The following POLR3H variants were observed in gnomAD, a reference collection of about 807,000 sequenced individuals.
POLR3H encodes the protein DNA-directed RNA polymerase III subunit RPC8.
Under a neutral mutation model 25.5 loss-of-function variants are expected in POLR3H, and 17 were observed. The observed-to-expected ratio is 0.67, with a 90% CI of 0.46 to 1.00. POLR3H has a LOEUF of 1.00. POLR3H is among the 50% of genes least tolerant of loss of function. The pLI, the probability that POLR3H is intolerant of heterozygous loss-of-function variation, is 0.00. For synonymous variants in POLR3H, 129 were observed against 103.0 expected, an observed-to-expected ratio of 1.25 and a Z score of -1.53; for missense variants, 274 against 265.0, an observed-to-expected ratio of 1.03 and a Z score of -0.24.
intron 2 of POLR3H, chr22:41,533,679 C>A: frequency 7.7e-7 from 1 of 1,304,112 alleles, no homozygotes; most frequent in South Asian, 1.2e-5. Context: ...AGCCGATGGA[C>A]CTCTCACCCT....
Position 41,530,840 on chromosome 22 carries a change from TC to T in POLR3H, c.407del (p.Gly136GlufsTer108), listed in dbSNP as rs1260222057. The T allele has an allele frequency of 2.2e-5, 36 of 1,613,922 alleles. No individual in the cohort carries two copies. The highest frequency in any genetic ancestry group is 3.0e-5 in the Non-Finnish European group (35 of 1,180,038). ...VWVWEYETEE[G>X]AHDLYMDTGE... is the part of the protein sequence containing the mutation. Reference sequence around the variant, plus strand: ...CGGTGTCCATGTAGAGGTCGTGTGCTCCTTCCTCCGTCTCGTACTCCCACAC... The same window carrying T: ...CGGTGTCCATGTAGAGGTCGTGTGCTCTTCCTCCGTCTCGTACTCCCACAC... On this transcript the variant is annotated frameshift_variant, in exon 5 of 6. Transcript: ENST00000355209. LOFTEE classifies it high-confidence loss of function.
In POLR3H at chr22:41,540,791, A is replaced by C. The variant is rs2066916546; in HGVS notation, c.116T>G (p.Val39Gly). The C allele has an allele frequency of 1.9e-6, 3 of 1,613,124 alleles. No individual in the cohort carries two copies. Among genetic ancestry groups the C allele is most frequent in the Non-Finnish European group, 8.5e-7 (1 of 1,179,174 alleles). ...ELNKKLANKV[V>G]YNVGLCICLF... ...ACAAATGCAGAGTCCCACGTTGTACACGACCTGCATGCATACAAACACAGA... is the reference window on the plus strand; with the variant it reads ...ACAAATGCAGAGTCCCACGTTGTACCCGACCTGCATGCATACAAACACAGA... The change falls in exon 2 of 6, where the codon GTG becomes GGG. Residue 39 changes from valine to glycine, a missense_variant. Val to Gly is a moderately radical substitution (Grantham distance 109). Transcript: ENST00000355209.
At position 41,527,671 on chromosome 22, in the gene POLR3H, T is replaced by C; in HGVS notation, c.*1612A>G. On this transcript the variant is annotated 3_prime_UTR_variant, in exon 6 of 6. Coordinates refer to ENST00000355209, the MANE Select transcript of POLR3H (RefSeq NM_001018050.4). ...ATCTAGGACATGTGCCAGGGGGTTC[T>C]TTCTGATCATGAATGTGCAGCAGGA... The C allele has an allele frequency of 3.8e-6, 3 of 794,802 alleles. No homozygotes were observed. Among genetic ancestry groups the C allele is most frequent in the Non-Finnish European group, 5.8e-6 (3 of 513,450 alleles). 49.2% of individuals were successfully genotyped at this position (794,802 alleles called of 1,614,324 possible).
intron 3 of POLR3H, 95 bp downstream of exon 3, chr22:41,532,564 A>T (rs1436852045): frequency 6.3e-7 from 1 of 1,598,704 alleles, no homozygotes. Context: ...TTCGGCCTCG[A>T]CACCTGAGCC....
chr22:41,543,604 G>A lies in POLR3H; in HGVS notation c.111+387C>T, dbSNP rs370761972. 17 of 370,100 alleles carry A rather than the reference G, an allele frequency of 4.6e-5. No individual in the cohort carries two copies. The East Asian group carries it at 5.0e-4, about 11-fold the overall frequency. 22.9% of individuals were successfully genotyped at this position (370,100 alleles called of 1,614,324 possible). ...CCACTGCACTCCAGCCTGGACGAAA[G>A]AGCAAGACTCCGTCTCAAAAACAAA... On this transcript the variant is annotated intron_variant, in intron 1 of 5. Transcript: ENST00000355209.
intron 2 of POLR3H, among the ~76,000 whole-genome samples, chr22:41,536,863 T>A: frequency 9.9e-6 from 1 of 101,482 alleles, no homozygotes; most frequent in Non-Finnish European, 1.9e-5. Context: ...GAAGACTCTG[T>A]CTCAAAAAAA....
chr22:41,536,163 C>T (rs571457492), intron 2 of POLR3H, among the ~76,000 whole-genome samples: 2 of 151,168 alleles, frequency 1.3e-5, no homozygotes, highest in East Asian at 2.0e-4. Context: ...GAGCCCAAGG[C>T]GGGCGGATCA....
chr22:41,532,746 C>A lies in POLR3H; in HGVS notation c.209-1G>T. On this transcript the variant is annotated splice_acceptor_variant, in intron 2 of 5. Coordinates refer to ENST00000355209, the MANE Select transcript of POLR3H (RefSeq NM_001018050.4). LOFTEE classifies it high-confidence loss of function. ...TGAAACACCACGCAGCGAAAATGGA[C>A]TGGAAATGAAGACAGCCCATCAGTG... The A allele has an allele frequency of 1.9e-6, 3 of 1,613,512 alleles. No homozygotes were observed. Among genetic ancestry groups the A allele is most frequent in the Non-Finnish European group, 2.5e-6 (3 of 1,179,624 alleles).
Position 41,526,568 on chromosome 22 carries a change from A to C in POLR3H, c.*2715T>G, listed in dbSNP as rs1569024364. 2.5e-6 allele frequency: 3 copies of C among 1,198,326 alleles called. No homozygotes were observed. Among genetic ancestry groups the C allele is most frequent in the South Asian group, 1.5e-5 (1 of 65,120 alleles). The allele number at this position is 1,198,326 out of a possible 1,614,324, so 74.2% of individuals were successfully genotyped here. On this transcript the variant is annotated 3_prime_UTR_variant, in exon 6 of 6. Coordinates refer to ENST00000355209, the MANE Select transcript of POLR3H (RefSeq NM_001018050.4). The stretch of plus-strand genomic sequence containing the variant: ...CTGGGAAGGAGGCCGACCAAGCCCA[A>C]AGGGGACTGCTGTGGAAGGGAGGAG...
Position 41,527,302 on chromosome 22 carries a change from G to A in POLR3H, c.*1981C>T, listed in dbSNP as rs377371545. On this transcript the variant is annotated 3_prime_UTR_variant, in exon 6 of 6. Coordinates refer to ENST00000355209, the MANE Select transcript of POLR3H (RefSeq NM_001018050.4). ...TTGCCTGACAGAAACATGGCATCAG[G>A]TGGGTGGTGATCGGAGACGAGAACT... The A allele has an allele frequency of 6.2e-6, 10 of 1,614,076 alleles. No individual in the cohort carries two copies. In the African/African-American group the frequency reaches 1.2e-4, roughly 19 times the overall value.
intron 3 of POLR3H, 80 bp from the exon 4 acceptor site, chr22:41,532,237 G>A: frequency 1.4e-6 from 2 of 1,410,962 alleles, no homozygotes; most frequent in Non-Finnish European, 2.0e-6. Context: ...ATGCTTGACA[G>A]GCAAGCCCTG....
intron 2 of POLR3H, chr22:41,533,467 T>C: frequency 8.7e-7 from 1 of 1,152,792 alleles, no homozygotes; most frequent in Non-Finnish European, 1.1e-6. Flanking sequence ...AGAGCCAGGG[T>C]GACCCACTCA....
In POLR3H at chr22:41,530,875, G is replaced by A. The variant is rs569353864; in HGVS notation, c.373C>T (p.Gln125Ter). ...QQPAKFDEAEQVWVWEYETEE... is the reference protein window; with the variant it reads ...QQPAKFDEAE ...GTCTCGTACTCCCACACCCACACCTGCTCCGCTTCGTCGCTGAGGGGGTCC... is the reference window on the plus strand; with the variant it reads ...GTCTCGTACTCCCACACCCACACCTACTCCGCTTCGTCGCTGAGGGGGTCC... Residue 125 changes from glutamine (Q) to a stop codon, truncating the protein, a stop_gained, in exon 5 of 6, where the codon CAG (glutamine) becomes TAG (stop). Transcript: ENST00000355209. LOFTEE classifies it high-confidence loss of function. 5.0e-6 allele frequency: 8 copies of A among 1,613,650 alleles called. No homozygotes were observed. Among genetic ancestry groups the A allele is most frequent in the Non-Finnish European group, 6.8e-6 (8 of 1,180,034 alleles).
intron 2 of POLR3H, among the ~76,000 whole-genome samples, chr22:41,537,922 A>C (rs2066874403): frequency 6.8e-6 from 1 of 146,294 alleles, no homozygotes; most frequent in East Asian, 2.0e-4. Flanking sequence ...TCCACCTCCC[A>C]GGGAGCTGAG....
rs1555894499 is a variant in POLR3H, at chr22:41,544,436, A to ACCGCGCACCGCGCACCG, written c.-336_-335insCGGTGCGCGGTGCGCGG. The ACCGCGCACCGCGCACCG allele has an allele frequency of 7.9e-3, 1,487 of 187,212 alleles. 8 individuals are homozygous for ACCGCGCACCGCGCACCG. The highest frequency in any genetic ancestry group is 0.021 in the East Asian group (159 of 7,598). The allele number at this position is 187,212 out of a possible 1,614,324, so 11.6% of individuals were successfully genotyped here. On this transcript the variant is annotated 5_prime_UTR_variant, in exon 1 of 6. Coordinates refer to ENST00000355209, the MANE Select transcript of POLR3H (RefSeq NM_001018050.4). ...CCGCTCGTATCACGCACCACGCACCACGCACCGCGCACAGCCGCTCGCGCT... is the reference window on the plus strand; with the variant it reads ...CCGCTCGTATCACGCACCACGCACCACCGCGCACCGCGCACCGCGCACCGCGCACAGCCGCTCGCGCT...
intron 5 of POLR3H, 94 bp from the exon 6 acceptor site, chr22:41,529,430 G>A (rs2066675797): frequency 9.0e-7 from 1 of 1,114,980 alleles, no homozygotes; most frequent in Admixed American, 1.8e-5. Flanking sequence ...CCCAGCACAG[G>A]CAAAGAAGAG....
chr22:41,538,794 G>A (rs556815652), intron 2 of POLR3H, among the ~76,000 whole-genome samples: 1 of 152,282 alleles, frequency 6.6e-6, no homozygotes, highest in South Asian at 2.1e-4. Context: ...GGCGTACCAT[G>A]GTAACATCCA....
At chr22:41,538,048 C>T (rs1295742767) in intron 2 of POLR3H, among the ~76,000 whole-genome samples, 1 of 151,826 alleles carries the variant, frequency 6.6e-6, no homozygotes, top group Non-Finnish European at 1.5e-5. Flanking sequence ...TCACTGCAAC[C>T]TCTGCCTCCT....
At chr22:41,541,127 A>T (rs1324856168) in intron 1 of POLR3H, among the ~76,000 whole-genome samples, 1 of 152,184 alleles carries the variant, frequency 6.6e-6, no homozygotes, top group Non-Finnish European at 1.5e-5. Flanking sequence ...GAGTTATAAA[A>T]TAAAGAGAGA....
Sources: allele counts gnomAD v4.1 joint callset (sites outside exome capture counted in the v4.1 genomes callset), GRCh38; gene constraint gnomAD v4.1.1; transcripts MANE v1.5; gene names NCBI Gene and HGNC (gene_info 2026-07-23, HGNC 2026-07-21).